SLC2A2: variants seen among roughly 807,000 people sequenced by gnomAD.
SLC2A2 encodes the protein solute carrier family 2 member 2, also known as solute carrier family 2, facilitated glucose transporter member 2.
Under a neutral mutation model 54.5 loss-of-function variants are expected in SLC2A2, and 36 were observed. That is an observed-to-expected ratio of 0.66 (90% CI 0.51 to 0.87). The LOEUF (loss-of-function observed/expected upper bound fraction) is 0.87, where lower values mean the gene tolerates loss of function less well. Ranked by LOEUF, SLC2A2 falls within the 40% of genes least tolerant of loss-of-function variation. The pLI is 0.00. For synonymous variants in SLC2A2, 223 were observed against 219.1 expected (o/e 1.02, Z -0.16); for missense variants, 543 against 624.3 (o/e 0.87, Z 1.39).
intron 1 of SLC2A2, among the ~76,000 whole-genome samples, chr3:171,022,643 A>G (rs1203242446): frequency 6.6e-6 from 1 of 152,132 alleles, no homozygotes; most frequent in Admixed American, 6.5e-5. Flanking sequence ...TTTATTAGTG[A>G]CTGTCACCTC....
intron 5 of SLC2A2, among the ~76,000 whole-genome samples, chr3:171,006,700 T>C (rs911818619): frequency 3.3e-5 from 5 of 152,012 alleles, no homozygotes; most frequent in Non-Finnish European, 5.9e-5. Flanking sequence ...AAGGATAGAC[T>C]CAGCTGAACA....
chr3:171,026,118 G>T (rs1386339845), intron 1 of SLC2A2, among the ~76,000 whole-genome samples: 2 of 152,134 alleles, frequency 1.3e-5, no homozygotes, highest in Non-Finnish European at 2.9e-5. Context: ...ATCCAAGAGT[G>T]TGAAATTGAT....
rs1715096099 is a variant in SLC2A2, at chr3:170,996,782, T to C, written c.*1121A>G. On this transcript the variant is annotated 3_prime_UTR_variant, in exon 11 of 11. Transcript: ENST00000314251. The stretch of plus-strand genomic sequence containing the variant: ...GAAATGTCAAAGGAGACGATTATTT[T>C]ATGTTAGGAACACACCATAAAACAA... 2 of 395,848 alleles carry C rather than the reference T, an allele frequency of 5.1e-6. No individual in the cohort carries two copies. The highest frequency in any genetic ancestry group is 8.8e-5 in the Admixed American group (2 of 22,680). The allele number at this position is 395,848 out of a possible 1,614,324, so 24.5% of individuals were successfully genotyped here. A position where few individuals can be genotyped will look rare whatever the true frequency, so the allele number is the denominator to read the frequency against.
intron 1 of SLC2A2, 22 bp from the exon 2 acceptor site, chr3:171,018,645 G>A (rs753277391): frequency 4.5e-6 from 7 of 1,545,654 alleles, no homozygotes; most frequent in Admixed American, 3.3e-5. Flanking sequence ...GAGACACAGG[G>A]CAGGGAAACA....
At chr3:171,009,092 A>C (rs1445984986) in intron 4 of SLC2A2, among the ~76,000 whole-genome samples, 1 of 152,042 alleles carries the variant, frequency 6.6e-6, no homozygotes, top group African/African-American at 2.4e-5. Flanking sequence ...TCTTGTGAAA[A>C]TGGGTTAAAA....
chr3:171,006,708 A>AC (rs1321288880), intron 5 of SLC2A2, among the ~76,000 whole-genome samples: 1 of 152,072 alleles, frequency 6.6e-6, no homozygotes, highest in Admixed American at 6.6e-5. Flanking sequence ...ACTCAGCTGA[A>AC]CAGGAGTTCC....
intron 1 of SLC2A2, among the ~76,000 whole-genome samples, chr3:171,021,794 T>C (rs1212025683): frequency 1.3e-5 from 2 of 152,216 alleles, no homozygotes; most frequent in African/African-American, 4.8e-5. Context: ...GGTTATAAAT[T>C]AAGGGCCATT....
chr3:171,021,274 G>T (rs1716451084), intron 1 of SLC2A2, among the ~76,000 whole-genome samples: 1 of 152,112 alleles, frequency 6.6e-6, no homozygotes, highest in Non-Finnish European at 1.5e-5. Context: ...GGAGTACCCT[G>T]GGAGGGCTTT....
chr3:171,012,052 C>G (rs968342435), intron 3 of SLC2A2, among the ~76,000 whole-genome samples: 1 of 152,100 alleles, frequency 6.6e-6, no homozygotes, highest in East Asian at 1.9e-4. Context: ...TTCTTAAAAT[C>G]TGACTCTAAA....
chr3:171,005,612 T>A, intron 6 of SLC2A2, 140 bp from the exon 7 acceptor site: 1 of 708,606 alleles, frequency 1.4e-6, no homozygotes. Flanking sequence ...CTTTTTTTGT[T>A]AAATTAGATC....
At chr3:171,015,298 G>A (rs1576838928) in intron 2 of SLC2A2, among the ~76,000 whole-genome samples, 1 of 152,026 alleles carries the variant, frequency 6.6e-6, no homozygotes, top group African/African-American at 2.4e-5. Context: ...GTGAAACCCT[G>A]TCTCTACGAA....
rs1421580115 is a variant in SLC2A2, at chr3:171,005,314, C to T, written c.934G>A (p.Val312Met). The T allele has an allele frequency of 1.2e-6, 2 of 1,612,968 alleles. No individual in the cohort carries two copies. The highest frequency in any genetic ancestry group is 1.7e-6 in the Non-Finnish European group (2 of 1,179,300). Reference sequence around the variant, plus strand: ...TTGATTCCGGAAAATTGCTGAGCCACATGCAGCATCAGTGCCACTAGAATA... The same window carrying T: ...TTGATTCCGGAAAATTGCTGAGCCATATGCAGCATCAGTGCCACTAGAATA... ...QPILVALMLHVAQQFSGINGI... is the reference protein window; with the variant it reads ...QPILVALMLHMAQQFSGINGI... Residue 312 changes from valine (V) to methionine (M), a missense_variant, in exon 7 of 11, where the codon GTG (valine) becomes ATG (methionine). Physicochemically the swap from Val to Met is conservative, Grantham distance 21 (BLOSUM62 1). Transcript: ENST00000314251.
In SLC2A2 at chr3:171,002,686, A is replaced by G; in HGVS notation, c.964-6T>C. The G allele has an allele frequency of 1.3e-6, 2 of 1,542,848 alleles. No homozygotes were observed. Among genetic ancestry groups the G allele is most frequent in the Non-Finnish European group, 1.8e-6 (2 of 1,119,896 alleles). On this transcript the variant is annotated splice_polypyrimidine_tract_variant and splice_region_variant and intron_variant, in intron 7 of 10. Transcript: ENST00000314251. ...CTGGTTGAGTAGTAAAAAATCTGCA[A>G]AGTAAAAACAGGTTAGCCTTAATCT...
intron 1 of SLC2A2, among the ~76,000 whole-genome samples, chr3:171,025,164 G>A (rs773848548): frequency 6.6e-6 from 1 of 151,040 alleles, no homozygotes; most frequent in Non-Finnish European, 1.5e-5. Flanking sequence ...CTTTATCCTG[G>A]GCTATAATAC....
At chr3:170,998,451 C>T (rs1197486431) in intron 9 of SLC2A2, 55 bp from the exon 10 acceptor site, 3 of 1,457,542 alleles carry the variant, frequency 2.1e-6, no homozygotes, top group South Asian at 2.3e-5. Context: ...CTGCTTTTTC[C>T]TTTAGCTAAG....
At chr3:171,015,747 G>A (rs1033067099) in intron 2 of SLC2A2, among the ~76,000 whole-genome samples, 7 of 152,108 alleles carry the variant, frequency 4.6e-5, no homozygotes, top group African/African-American at 1.7e-4. Flanking sequence ...GTATATTATT[G>A]ATGAATTCCT....
chr3:171,017,684 G>A (rs1716213990), intron 2 of SLC2A2, among the ~76,000 whole-genome samples: 1 of 152,172 alleles, frequency 6.6e-6, no homozygotes, highest in African/African-American at 2.4e-5. Context: ...GATAGGAAGA[G>A]GAACAATTCA....
At chr3:171,001,159 T>G (rs1424081725) in intron 8 of SLC2A2, among the ~76,000 whole-genome samples, 1 of 151,982 alleles carries the variant, frequency 6.6e-6, no homozygotes, top group African/African-American at 2.4e-5. Flanking sequence ...TTTACAGAAG[T>G]TTCCTCTTTA....
Position 170,997,841 on chromosome 3 carries a change from T to C in SLC2A2, c.*62A>G. 1 of 1,321,756 alleles carries C rather than the reference T, an allele frequency of 7.6e-7. No individual in the cohort carries two copies. Among genetic ancestry groups the C allele is most frequent in the Non-Finnish European group, 1.1e-6 (1 of 924,290 alleles). The allele number at this position is 1,321,756 out of a possible 1,614,324, so 81.9% of individuals were successfully genotyped here. A position where few individuals can be genotyped will look rare whatever the true frequency, so the allele number is the denominator to read the frequency against. On this transcript the variant is annotated 3_prime_UTR_variant, in exon 11 of 11. Transcript: ENST00000314251. ...TGGATATAAAATGCTCAAGGAATCA[T>C]CATTTAAAAACAGACGGTTCCCTTA...
Sources: allele counts gnomAD v4.1 joint callset (sites outside exome capture counted in the v4.1 genomes callset), GRCh38; gene constraint gnomAD v4.1.1; transcripts MANE v1.5; gene names NCBI Gene and HGNC (gene_info 2026-07-23, HGNC 2026-07-21).